ZNF804B: variants seen among roughly 807,000 people sequenced by gnomAD.
The protein encoded by ZNF804B is zinc finger protein 804B.
ZNF804B carries 80 observed loss-of-function variants against 101.4 expected under a neutral mutation model. That is an observed-to-expected ratio of 0.79 (90% CI 0.66 to 0.95). The LOEUF (loss-of-function observed/expected upper bound fraction) is 0.95. Ranked by LOEUF, ZNF804B falls within the 40% of genes least tolerant of loss-of-function variation. The pLI is 0.00. For synonymous variants in ZNF804B, 622 were observed against 558.8 expected (o/e 1.11, Z -1.59); for missense variants, 1,673 against 1,561.9 (o/e 1.07, Z -1.20).
chr7:89,116,442 A>G (rs2116359920), intron 1 of ZNF804B, among the ~76,000 whole-genome samples: 1 of 152,270 alleles, frequency 6.6e-6, no homozygotes, highest in Admixed American at 6.5e-5. Context: ...CCATTTCTAT[A>G]TTTGTCCCTT....
rs575969327 is a variant in ZNF804B at position 89,327,359 on chromosome 7, A to C, written c.265A>C (p.Lys89Gln). 6.2e-7 allele frequency: 1 copy of C among 1,604,846 alleles called. No individual in the cohort carries two copies. Among genetic ancestry groups the C allele is most frequent in the Non-Finnish European group, 8.5e-7 (1 of 1,176,822 alleles). The change falls in exon 3 of 4, where the codon AAG (lysine) becomes CAG (glutamine). Residue 89 changes from lysine (K) to glutamine (Q), a missense_variant. Coordinates refer to ENST00000333190, the MANE Select transcript of ZNF804B (RefSeq NM_181646.5). ...HAHKQRLKEL[K>Q]QREFARNVAS... ...CTTTTTCAAGAGACTGAAAGAATTA[A>C]AGCAACGGGAATTTGCTCGAAATGT...
At chr7:89,135,814 A>G (rs900278362) in intron 1 of ZNF804B, among the ~76,000 whole-genome samples, 2 of 121,940 alleles carry the variant, frequency 1.6e-5, no homozygotes, top group Admixed American at 8.7e-5. Flanking sequence ...GGAAATGCGA[A>G]TAGGCCTCTC....
At chr7:89,219,883 G>A (rs1409020868) in intron 2 of ZNF804B, among the ~76,000 whole-genome samples, 1 of 133,570 alleles carries the variant, frequency 7.5e-6, no homozygotes, top group African/African-American at 2.8e-5. Context: ...TAGTATATGT[G>A]TGTATATATG....
At chr7:89,222,392 T>C (rs1168141145) in intron 2 of ZNF804B, among the ~76,000 whole-genome samples, 4 of 151,954 alleles carry the variant, frequency 2.6e-5, no homozygotes, top group Admixed American at 2.6e-4. Context: ...CCAGTATTTT[T>C]CCTGTTCCAC....
At chr7:89,285,366 CA>C (rs1790168529) in intron 2 of ZNF804B, among the ~76,000 whole-genome samples, 1 of 149,952 alleles carries the variant, frequency 6.7e-6, no homozygotes, top group Non-Finnish European at 1.5e-5. Flanking sequence ...ACTAAAAATA[CA>C]AAAAAATTAG....
intron 2 of ZNF804B, among the ~76,000 whole-genome samples, chr7:89,232,944 T>TG (rs568324130): frequency 1.0e-3 from 156 of 152,264 alleles, no homozygotes; most frequent in Middle Eastern, 3.4e-3. Flanking sequence ...ATTTTTGAGA[T>TG]GGAGTCTCGC....
chr7:88,861,994 C>A (rs1333959439), intron 1 of ZNF804B, among the ~76,000 whole-genome samples: 1 of 152,158 alleles, frequency 6.6e-6, no homozygotes, highest in Non-Finnish European at 1.5e-5. Flanking sequence ...AACTGACAAT[C>A]ACTTCAACAT....
chr7:89,332,606 A>G (rs1791003914), intron 3 of ZNF804B, among the ~76,000 whole-genome samples: 1 of 151,914 alleles, frequency 6.6e-6, no homozygotes, highest in Non-Finnish European at 1.5e-5. Context: ...TCTCTTATAT[A>G]TGTTGATATT....
rs73401125 is a variant in ZNF804B, at chr7:89,291,240, A to G, written c.250-36104A>G. On this transcript the variant is annotated intron_variant, in intron 2 of 3. Transcript: ENST00000333190. ...TGCCCAGACACTGACAAATATCCACAAGCATTGACACCATCTAGAAAATAT... is the reference window on the plus strand; with the variant it reads ...TGCCCAGACACTGACAAATATCCACGAGCATTGACACCATCTAGAAAATAT... 7.6e-3 allele frequency among the ~76,000 whole-genome samples: 1,159 copies of G among 152,204 alleles called. 11 individuals carry two copies. Among genetic ancestry groups the G allele is most frequent in the African/African-American group, 0.027 (1,101 of 41,524 alleles).
In ZNF804B at chr7:89,333,956, C is replaced by G. The variant is rs1791029627; in HGVS notation, c.974C>G (p.Ser325Cys). The G allele has an allele frequency of 6.2e-7, 1 of 1,613,486 alleles. No individual in the cohort carries two copies. Residue 325 changes from serine to cysteine, a missense_variant, in exon 4 of 4, where the codon TCT (serine) becomes TGT (cysteine). By Grantham distance (112) the Ser-to-Cys change is moderately radical. Transcript: ENST00000333190. Reference sequence around the variant, plus strand: ...TCAATTGGCATTCATGCTTCATTCTCTAAATCTAACATTCATCTTTCAGAT... The same window carrying G: ...TCAATTGGCATTCATGCTTCATTCTGTAAATCTAACATTCATCTTTCAGAT... ...EDSIGIHASFSKSNIHLSDVD... is the reference protein window; with the variant it reads ...EDSIGIHASFCKSNIHLSDVD...
At chr7:89,141,731 T>C (rs1347014732) in intron 1 of ZNF804B, among the ~76,000 whole-genome samples, 1 of 151,944 alleles carries the variant, frequency 6.6e-6, no homozygotes, top group Non-Finnish European at 1.5e-5. Flanking sequence ...TCATCTTCTG[T>C]TTTTCTCTTT....
At chr7:88,833,404 G>A (rs528361493) in intron 1 of ZNF804B, among the ~76,000 whole-genome samples, 12 of 151,958 alleles carry the variant, frequency 7.9e-5, no homozygotes, top group African/African-American at 2.4e-4. Context: ...GCAGTAGTGA[G>A]GGTTAACAGG....
chr7:89,313,493 G>T (rs903836949), intron 2 of ZNF804B, among the ~76,000 whole-genome samples: 1 of 152,142 alleles, frequency 6.6e-6, no homozygotes, highest in African/African-American at 2.4e-5. Flanking sequence ...TGCATGTTTG[G>T]ACTGGTAAGC....
intron 2 of ZNF804B, among the ~76,000 whole-genome samples, chr7:89,278,506 G>C (rs1170803812): frequency 1.6e-4 from 24 of 151,626 alleles, no homozygotes; most frequent in Admixed American, 2.0e-4. Context: ...AGTCTTTAAT[G>C]CATCTTGAAT....
intron 2 of ZNF804B, among the ~76,000 whole-genome samples, chr7:89,237,546 A>G (rs918580138): frequency 6.6e-6 from 1 of 152,104 alleles, no homozygotes; most frequent in Non-Finnish European, 1.5e-5. Flanking sequence ...TCTTATCTTG[A>G]TTTTCTAAAC....
intron 1 of ZNF804B, among the ~76,000 whole-genome samples, chr7:89,075,282 G>C (rs1583971824): frequency 6.6e-6 from 1 of 152,146 alleles, no homozygotes; most frequent in Non-Finnish European, 1.5e-5. Context: ...TCCCATCACA[G>C]ACCAGAGGCC....
chr7:89,011,517 A>G (rs1012456647), intron 1 of ZNF804B, among the ~76,000 whole-genome samples: 15 of 152,202 alleles, frequency 9.9e-5, no homozygotes, highest in African/African-American at 3.4e-4. Context: ...AAAGCAAGTT[A>G]GTTGCTTCCT....
intron 1 of ZNF804B, among the ~76,000 whole-genome samples, chr7:89,045,739 A>G (rs747219656): frequency 1.5e-4 from 23 of 152,078 alleles, no homozygotes; most frequent in South Asian, 2.1e-4. Context: ...TGTACCCCCA[A>G]TGTATCTAGG....
At chr7:89,319,134 A>C (rs927427550) in intron 2 of ZNF804B, among the ~76,000 whole-genome samples, 1 of 151,806 alleles carries the variant, frequency 6.6e-6, no homozygotes, top group Admixed American at 6.6e-5. Flanking sequence ...TAAACCCACA[A>C]CCTTCCAGCT....
Sources: allele counts gnomAD v4.1 joint callset (sites outside exome capture counted in the v4.1 genomes callset), GRCh38; gene constraint gnomAD v4.1.1; transcripts MANE v1.5; gene names NCBI Gene and HGNC (gene_info 2026-07-23, HGNC 2026-07-21).